PDE4D: variants seen among roughly 807,000 people sequenced by gnomAD.
PDE4D encodes the protein 3',5'-cyclic-AMP phosphodiesterase 4D.
A neutral mutation model predicts 87.4 loss-of-function variants in PDE4D; 24 were observed. The ratio of observed to expected loss-of-function variants is 0.27; its 90% CI spans 0.20 to 0.39. The LOEUF is 0.39. Among genes scored for constraint, PDE4D ranks in the 10% least tolerant of loss-of-function variants. PDE4D has a pLI of 1.00. For synonymous variants in PDE4D, 384 were observed against 383.2 expected, an observed-to-expected ratio of 1.00 and a Z score of -0.02; for missense variants, 714 against 1,041.0, an observed-to-expected ratio of 0.69 and a Z score of 4.32.
chr5:59,974,508 G>T (rs1243786439), intron 3 of PDE4D, among the ~76,000 whole-genome samples: 4 of 152,120 alleles, frequency 2.6e-5, no homozygotes, highest in African/African-American at 9.7e-5. Context: ...AACACCAGAA[G>T]CTCCTATTCT....
intron 1 of PDE4D, among the ~76,000 whole-genome samples, chr5:60,275,615 G>T (rs1332261280): frequency 6.6e-6 from 1 of 151,554 alleles, no homozygotes; most frequent in Non-Finnish European, 1.5e-5. Flanking sequence ...CAGAAGCAAG[G>T]TTGTATAAAT....
At chr5:59,133,821 T>TC (rs1330413058) in intron 5 of PDE4D, among the ~76,000 whole-genome samples, 2 of 152,118 alleles carry the variant, frequency 1.3e-5, no homozygotes, top group African/African-American at 4.8e-5. Context: ...GGCTCTGTAT[T>TC]CCCCAGGGAC....
intron 1 of PDE4D, among the ~76,000 whole-genome samples, chr5:60,212,971 T>A (rs924792790): frequency 6.6e-6 from 1 of 152,208 alleles, no homozygotes; most frequent in Non-Finnish European, 1.5e-5. Flanking sequence ...TGACCATTCA[T>A]CCTTAGTCTC....
At chr5:59,106,104 T>G (rs1771532887) in intron 5 of PDE4D, among the ~76,000 whole-genome samples, 1 of 152,224 alleles carries the variant, frequency 6.6e-6, no homozygotes, top group Admixed American at 6.5e-5. Flanking sequence ...AAGACTCTGA[T>G]GAGGATACTG....
chr5:60,007,396 G>A (rs148210991), intron 2 of PDE4D, among the ~76,000 whole-genome samples: 3 of 152,060 alleles, frequency 2.0e-5, no homozygotes, highest in African/African-American at 7.2e-5. Flanking sequence ...GACACAAAAC[G>A]ATTGAAAATG....
At chr5:59,156,984 A>G (rs1294587555) in intron 5 of PDE4D, 1 of 217,938 alleles carries the variant, frequency 4.6e-6, no homozygotes, top group African/African-American at 2.4e-5. Flanking sequence ...GAGAAGAAAC[A>G]AAAGTCAAAT....
intron 6 of PDE4D, among the ~76,000 whole-genome samples, chr5:59,021,284 C>T (rs1755108065): frequency 6.6e-6 from 1 of 152,076 alleles, no homozygotes; most frequent in East Asian, 1.9e-4. Context: ...AAAAAATAGG[C>T]TATCATAGAG....
At chr5:59,807,700 C>T (rs1189694119) in intron 1 of PDE4D, among the ~76,000 whole-genome samples, 1 of 152,196 alleles carries the variant, frequency 6.6e-6, no homozygotes, top group Non-Finnish European at 1.5e-5. Context: ...AGAACCGAAA[C>T]ATTCAGGTTC....
intron 2 of PDE4D, among the ~76,000 whole-genome samples, chr5:59,197,133 A>G (rs899234137): frequency 2.0e-5 from 3 of 151,998 alleles, no homozygotes; most frequent in Non-Finnish European, 4.4e-5. Flanking sequence ...ATCCATGGAA[A>G]TATGTCTCCT....
intron 2 of PDE4D, among the ~76,000 whole-genome samples, chr5:60,127,848 C>T (rs993426327): frequency 6.6e-6 from 1 of 151,956 alleles, no homozygotes; most frequent in Non-Finnish European, 1.5e-5. Context: ...TATAAGTGAT[C>T]ATTGAAATCA....
intron 1 of PDE4D, among the ~76,000 whole-genome samples, chr5:59,472,132 T>C (rs761317395): frequency 4.6e-5 from 7 of 152,146 alleles, no homozygotes; most frequent in Non-Finnish European, 7.4e-5. Flanking sequence ...CTTGGAAATA[T>C]AATATTTTAT....
chr5:59,763,932 G>A (rs574317019), intron 1 of PDE4D, among the ~76,000 whole-genome samples: 12 of 152,212 alleles, frequency 7.9e-5, no homozygotes, highest in South Asian at 2.1e-4. Context: ...GACAAGAGGC[G>A]CAATAGAAAT....
intron 1 of PDE4D, among the ~76,000 whole-genome samples, chr5:60,233,220 G>A (rs1213619006): frequency 6.6e-6 from 1 of 150,758 alleles, no homozygotes; most frequent in African/African-American, 2.4e-5. Flanking sequence ...CACACACTGA[G>A]CAAGTCACAC....
chr5:60,430,474 G>A (rs1744126925), intron 1 of PDE4D, among the ~76,000 whole-genome samples: 2 of 150,718 alleles, frequency 1.3e-5, no homozygotes, highest in East Asian at 4.0e-4. Flanking sequence ...CCTTCTGCTT[G>A]ACTAATTTCC....
At chr5:59,846,674 T>TA (rs2152713312) in intron 1 of PDE4D, among the ~76,000 whole-genome samples, 2 of 152,114 alleles carry the variant, frequency 1.3e-5, no homozygotes, top group South Asian at 4.1e-4. Context: ...TCAATGTGCA[T>TA]GGGGTCCTGT....
chr5:60,243,506 CAAGAA>C (rs1466387510), intron 1 of PDE4D, among the ~76,000 whole-genome samples: 14 of 151,830 alleles, frequency 9.2e-5, no homozygotes, highest in Non-Finnish European at 1.6e-4. Context: ...AAAGACACAT[CAAGAA>C]AAGAAAACTG....
At position 58,975,821 on chromosome 5, in the gene PDE4D, G is replaced by T; in HGVS notation, c.1849C>A (p.His617Asn). Residue 617 changes from histidine to asparagine, a missense_variant, in exon 14 of 15, where the codon CAC becomes AAC. Physicochemically the swap from His to Asn is moderately conservative, Grantham distance 68 (BLOSUM62 1). Transcript: ENST00000340635. This position sits in a 1 kb window ranked among gnomAD's most constrained non-coding sequence, Gnocchi z 4.2. The stretch of plus-strand genomic sequence containing the variant: ...GTTGGGTTGCTCAGATCTGCACAGT[G>T]CACCATATTCTGAAGAACCTAAAAT... The part of the protein sequence containing the change: ...DRIQVLQNMV[H>N]CADLSNPTKP... The T allele has an allele frequency of 6.4e-7, 1 of 1,556,294 alleles. No homozygotes were observed. The highest frequency in any genetic ancestry group is 8.7e-7 in the Non-Finnish European group (1 of 1,150,614).
chr5:60,258,403 T>C (rs2149698342), intron 1 of PDE4D, among the ~76,000 whole-genome samples: 1 of 152,016 alleles, frequency 6.6e-6, no homozygotes, highest in Non-Finnish European at 1.5e-5. Context: ...CCCTCAGAAA[T>C]TAAACAAAAT....
At chr5:60,146,191 G>A (rs1348637553) in intron 2 of PDE4D, among the ~76,000 whole-genome samples, 1 of 152,188 alleles carries the variant, frequency 6.6e-6, no homozygotes. Context: ...TCCAGCCTGG[G>A]CAACAAAGTG....
Sources: allele counts gnomAD v4.1 joint callset (sites outside exome capture counted in the v4.1 genomes callset), GRCh38; gene constraint gnomAD v4.1.1; non-coding constraint Gnocchi (gnomAD v3.1); transcripts MANE v1.5; gene names NCBI Gene and HGNC (gene_info 2026-07-23, HGNC 2026-07-21).